The following ARMH3 variants were observed in gnomAD, a reference collection of about 807,000 sequenced individuals.
ARMH3 encodes the protein armadillo-like helical domain-containing protein 3.
Under a neutral mutation model 99.1 loss-of-function variants are expected in ARMH3, and 60 were observed. The observed-to-expected ratio is 0.61, with a 90% confidence interval of 0.49 to 0.75. The LOEUF (loss-of-function observed/expected upper bound fraction) is 0.75. Among genes scored for constraint, ARMH3 ranks in the 30% least tolerant of loss-of-function variants. The probability of loss-of-function intolerance (pLI) is 0.00; values close to 1 mark genes in which losing one functional copy is unlikely to be tolerated. For synonymous variants in ARMH3, 285 were observed against 292.8 expected (o/e 0.97, Z 0.27); for missense variants, 679 against 843.1 (o/e 0.81, Z 2.41).
chr10:102,037,671 C>G (rs377386586), intron 2 of ARMH3, among the ~76,000 whole-genome samples: 1 of 152,090 alleles, frequency 6.6e-6, no homozygotes, highest in Non-Finnish European at 1.5e-5. Flanking sequence ...CTCCTAGGCT[C>G]AAGGGATCCT....
chr10:101,980,545 C>A (rs1035619363), intron 19 of ARMH3, among the ~76,000 whole-genome samples: 2 of 152,102 alleles, frequency 1.3e-5, no homozygotes, highest in African/African-American at 4.8e-5. Flanking sequence ...GCGGTCCGCC[C>A]ACCTCAGCCT....
chr10:101,886,789 T>C (rs1253599948), intron 24 of ARMH3, among the ~76,000 whole-genome samples: 1 of 152,044 alleles, frequency 6.6e-6, no homozygotes, highest in Non-Finnish European at 1.5e-5. Context: ...CAGAAAAAAA[T>C]GGCAGGCTGG....
In ARMH3 at chr10:102,049,761, TG is replaced by T. The variant is rs1206682277; in HGVS notation, c.-12+6323del. On this transcript the variant is annotated intron_variant, in intron 1 of 25. Coordinates refer to ENST00000370033, the MANE Select transcript of ARMH3 (RefSeq NM_024541.3). ...TTGTAGAGATTGAGTTTCACCATGT[TG>T]CCCAGGTTGGTCTCAAACTCCTGGG... Among the ~76,000 whole-genome samples, 10 of 151,948 alleles carry T rather than the reference TG, an allele frequency of 6.6e-5. No homozygotes were observed. In the East Asian group the frequency reaches 2.0e-3, roughly 30 times the overall value.
At chr10:102,011,025 A>C (rs1432869949) in intron 11 of ARMH3, among the ~76,000 whole-genome samples, 1 of 152,188 alleles carries the variant, frequency 6.6e-6, no homozygotes, top group Non-Finnish European at 1.5e-5. Context: ...GAATACTTGG[A>C]TAATAATGCC....
chr10:101,899,358 C>T (rs1032060319), intron 23 of ARMH3, among the ~76,000 whole-genome samples: 1 of 152,174 alleles, frequency 6.6e-6, no homozygotes, highest in Non-Finnish European at 1.5e-5. Flanking sequence ...TTCAGGCATA[C>T]AGGTAAAATA....
chr10:101,976,168 CAAAAAAAAAAAA>C (rs780547260), intron 19 of ARMH3, among the ~76,000 whole-genome samples: 7 of 23,190 alleles, frequency 3.0e-4, no homozygotes, highest in Admixed American at 1.3e-3. Flanking sequence ...GACTCTGTCT[CAAAAAAAAAAAA>C]AAAAAAAAAA....
intron 23 of ARMH3, among the ~76,000 whole-genome samples, chr10:101,934,569 T>C (rs912371582): frequency 4.6e-5 from 7 of 152,278 alleles, no homozygotes; most frequent in South Asian, 2.1e-4. Flanking sequence ...TTAAAACTTA[T>C]CCACTTAAGA....
At chr10:101,911,956 C>T (rs971139957) in intron 23 of ARMH3, among the ~76,000 whole-genome samples, 5 of 151,840 alleles carry the variant, frequency 3.3e-5, no homozygotes, top group Non-Finnish European at 1.5e-5. Context: ...TCACTTGAAC[C>T]CAGGAGGCGG....
chr10:101,865,230 A>AAAAC (rs985803023), intron 24 of ARMH3, among the ~76,000 whole-genome samples: 25 of 151,912 alleles, frequency 1.6e-4, no homozygotes, highest in Non-Finnish European at 2.9e-4. Flanking sequence ...AAAAAAAACA[A>AAAAC]AAACAAACAA....
At chr10:101,993,832 A>G (rs1167600620) in intron 16 of ARMH3, among the ~76,000 whole-genome samples, 1 of 152,184 alleles carries the variant, frequency 6.6e-6, no homozygotes, top group East Asian at 1.9e-4. Context: ...CCAAGCAAAA[A>G]CAATAAAAAT....
At chr10:102,012,730 C>G (rs2066658308) in intron 10 of ARMH3, 103 bp downstream of exon 10, 9 of 1,135,032 alleles carry the variant, frequency 7.9e-6, no homozygotes, top group Non-Finnish European at 1.0e-5. Flanking sequence ...TCTGAATACT[C>G]TTAGACTAGG....
chr10:101,892,169 G>A (rs2067708570), intron 23 of ARMH3, among the ~76,000 whole-genome samples: 1 of 151,996 alleles, frequency 6.6e-6, no homozygotes, highest in South Asian at 2.1e-4. Context: ...CGTGGGCTGG[G>A]TGCAGTGGCT....
At chr10:101,956,879 A>G (rs1845065261) in intron 21 of ARMH3, among the ~76,000 whole-genome samples, 156 bp from the exon 22 acceptor site, 2 of 152,196 alleles carry the variant, frequency 1.3e-5, no homozygotes, top group Non-Finnish European at 2.9e-5. Context: ...CCATTATTAA[A>G]AATTTCACTC....
At position 102,033,116 on chromosome 10, in the gene ARMH3, C is replaced by G; in HGVS notation, c.216G>C (p.Met72Ile). 1 of 1,614,228 alleles carries G rather than the reference C, an allele frequency of 6.2e-7. No individual in the cohort carries two copies. Among genetic ancestry groups the G allele is most frequent in the Non-Finnish European group, 8.5e-7 (1 of 1,180,032 alleles). Residue 72 changes from methionine to isoleucine, a missense_variant, in exon 4 of 26, where the codon ATG becomes ATC. Met to Ile is a conservative substitution (Grantham distance 10). Transcript: ENST00000370033. ...AGCAATTAATATTGTCCTTGATCTT[C>G]ATTAACTCCTCACCATCAAGAGATT... ...KLESLDGEEL[M>I]KIKDNINCLF...
chr10:102,023,394 A>T, intron 8 of ARMH3, 83 bp downstream of exon 8: 1 of 1,256,058 alleles, frequency 8.0e-7, no homozygotes, highest in Non-Finnish European at 1.1e-6. Flanking sequence ...AACGTCTTCT[A>T]CATTAAGCAA....
chr10:101,979,368 A>G (rs767168904), intron 19 of ARMH3, among the ~76,000 whole-genome samples: 1 of 152,252 alleles, frequency 6.6e-6, no homozygotes, highest in African/African-American at 2.4e-5. Flanking sequence ...AGTCAGTAGT[A>G]AAAATCCACA....
At chr10:101,969,961 T>C (rs936749728) in intron 20 of ARMH3, among the ~76,000 whole-genome samples, 3 of 152,188 alleles carry the variant, frequency 2.0e-5, no homozygotes, top group Non-Finnish European at 2.9e-5. Flanking sequence ...ACAACTGTGA[T>C]CCATAGATAA....
chr10:102,041,092 T>C (rs60505495), intron 1 of ARMH3, among the ~76,000 whole-genome samples: 4 of 116,166 alleles, frequency 3.4e-5, no homozygotes, highest in South Asian at 5.8e-4. Context: ...ATATATATAA[T>C]ATATATATAT....
intron 8 of ARMH3, among the ~76,000 whole-genome samples, chr10:102,017,704 A>G (rs1011813156): frequency 6.6e-6 from 1 of 152,124 alleles, no homozygotes; most frequent in Non-Finnish European, 1.5e-5. Flanking sequence ...GCCCCTCCAG[A>G]TCATCAGTAA....
Sources: allele counts gnomAD v4.1 joint callset (sites outside exome capture counted in the v4.1 genomes callset), GRCh38; gene constraint gnomAD v4.1.1; transcripts MANE v1.5; gene names NCBI Gene and HGNC (gene_info 2026-07-23, HGNC 2026-07-21).